ANO4: variants seen among roughly 807,000 people sequenced by gnomAD.
ANO4 encodes anoctamin-4.
Under a neutral mutation model 141.9 loss-of-function variants are expected in ANO4, and 69 were observed. That is an observed-to-expected ratio of 0.49 (90% confidence interval 0.40 to 0.59). ANO4 has a LOEUF of 0.59. ANO4 is among the 20% of genes least tolerant of loss of function. ANO4 has a pLI of 0.00. For synonymous variants in ANO4, 350 were observed against 394.3 expected (o/e 0.89, Z 1.33); for missense variants, 894 against 1,162.2 (o/e 0.77, Z 3.36).
intron 1 of ANO4, among the ~76,000 whole-genome samples, chr12:100,880,715 C>T (rs2039524106): frequency 6.6e-6 from 1 of 152,138 alleles, no homozygotes. Context: ...AAGTTAAGGT[C>T]ACTGCCACTA....
chr12:101,012,994 A>G (rs576872196), intron 8 of ANO4, among the ~76,000 whole-genome samples: 1 of 152,072 alleles, frequency 6.6e-6, no homozygotes, highest in East Asian at 1.9e-4. Context: ...GTACATCTGG[A>G]GAAAAGGGAA....
chr12:101,110,023 G>C (rs1270316438), intron 22 of ANO4, among the ~76,000 whole-genome samples: 1 of 152,048 alleles, frequency 6.6e-6, no homozygotes, highest in Non-Finnish European at 1.5e-5. Context: ...TGTCCTATTG[G>C]CATGTCCCCA....
intron 9 of ANO4, among the ~76,000 whole-genome samples, chr12:101,024,880 A>G (rs1383905182): frequency 2.6e-5 from 4 of 152,240 alleles, no homozygotes; most frequent in Non-Finnish European, 2.9e-5. Context: ...ATGTGTTACT[A>G]TGATTAAAAG....
intron 8 of ANO4, among the ~76,000 whole-genome samples, chr12:100,987,975 T>C (rs951493262): frequency 6.6e-6 from 1 of 152,140 alleles, no homozygotes; most frequent in Non-Finnish European, 1.5e-5. Flanking sequence ...CTCTGCCAAC[T>C]CCCTGTGCAC....
At chr12:101,008,091 T>G (rs1032030746) in intron 8 of ANO4, among the ~76,000 whole-genome samples, 2 of 152,220 alleles carry the variant, frequency 1.3e-5, no homozygotes, top group Non-Finnish European at 2.9e-5. Flanking sequence ...TTTATTTCAA[T>G]GTGGATGTTT....
At chr12:101,002,499 C>T (rs776319164) in intron 8 of ANO4, among the ~76,000 whole-genome samples, 64 of 152,226 alleles carry the variant, frequency 4.2e-4, no homozygotes, top group Non-Finnish European at 7.3e-4. Context: ...CTTCTCCCCC[C>T]AGCCTTTTGG....
At chr12:100,837,265 A>G (rs931792345) in intron 1 of ANO4, among the ~76,000 whole-genome samples, 7 of 138,306 alleles carry the variant, frequency 5.1e-5, no homozygotes, top group Non-Finnish European at 5.1e-5. Context: ...TTAATCCTAC[A>G]ACAACCATAT....
chr12:100,749,442 C>G lies in ANO4; in HGVS notation c.358+9337C>G, dbSNP rs539830903. On this transcript the variant is annotated intron_variant, in intron 3 of 29. Transcript: ENST00000644049. ...GAGAAATACATTGCTGAGCTTTCTT[C>G]AAATTTCCTATTTTCCTAAACTTGC... Among the ~76,000 whole-genome samples, 16 of 152,356 alleles carry G rather than the reference C, an allele frequency of 1.1e-4. No individual in the cohort carries two copies. The South Asian group carries it at 2.9e-3, about 28-fold the overall frequency.
chr12:100,816,075 A>G (rs2035724986), intron 1 of ANO4, among the ~76,000 whole-genome samples: 1 of 152,052 alleles, frequency 6.6e-6, no homozygotes, highest in African/African-American at 2.4e-5. Context: ...AATTTCTTAA[A>G]TTGTGTTCCC....
intron 2 of ANO4, among the ~76,000 whole-genome samples, chr12:100,735,121 G>A (rs375908573): frequency 4.1e-4 from 62 of 152,254 alleles, no homozygotes; most frequent in Admixed American, 7.2e-4. Flanking sequence ...CAATGTTAAT[G>A]CTCACTGATG....
rs11110583 is a variant in ANO4, at chr12:100,919,722, A to G, written c.56-2504A>G. Among the ~76,000 whole-genome samples, 687 of 129,948 alleles carry G rather than the reference A, an allele frequency of 5.3e-3. 2 individuals carry two copies. The highest frequency in any genetic ancestry group is 1.0e-2 in the African/African-American group (348 of 34,930). 85.3% of individuals were successfully genotyped at this position (129,948 alleles called of 152,430 possible). A position where few individuals can be genotyped will look rare whatever the true frequency, so the allele number is the denominator to read the frequency against. ...TGTGTGTGTATGTATGTATGTATGT[A>G]TGTGTGTATGTATGTATCTATCTAT... On this transcript the variant is annotated intron_variant, in intron 2 of 27. Transcript: ENST00000392977.
chr12:100,724,591 A>G (rs1341930036), intron 1 of ANO4, among the ~76,000 whole-genome samples: 8 of 152,228 alleles, frequency 5.3e-5, no homozygotes, highest in African/African-American at 1.9e-4. Context: ...ATCTGTTTGC[A>G]TAGGAAAAGC....
chr12:100,842,686 G>T (rs1039953139), intron 1 of ANO4, among the ~76,000 whole-genome samples: 3 of 152,036 alleles, frequency 2.0e-5, no homozygotes, highest in African/African-American at 7.2e-5. Context: ...TCAGTGTCTG[G>T]TGAGGGCTGT....
At chr12:101,072,129 G>A (rs902960133) in intron 14 of ANO4, among the ~76,000 whole-genome samples, 1 of 152,132 alleles carries the variant, frequency 6.6e-6, no homozygotes, top group Non-Finnish European at 1.5e-5. Flanking sequence ...GATGTTCCTG[G>A]TTGGCAGATG....
chr12:101,080,883 T>TATTATATATA lies in ANO4; in HGVS notation c.1395+1608_1395+1609insATTATATATA, dbSNP rs1491584060. On this transcript the variant is annotated intron_variant, in intron 15 of 27. Coordinates refer to ENST00000392977, the MANE Select transcript of ANO4 (RefSeq NM_001286615.2). ...GGTTCTAGATATATATATATATATATTATATATATATATATATACATACAC... is the reference window on the plus strand; with the variant it reads ...GGTTCTAGATATATATATATATATATATTATATATATATATATATATATATATACATACAC... Among the ~76,000 whole-genome samples, 306 of 74,062 alleles carry TATTATATATA rather than the reference T, an allele frequency of 4.1e-3. 7 individuals carry two copies. Among genetic ancestry groups the TATTATATATA allele is most frequent in the African/African-American group, 0.011 (277 of 25,614 alleles). The allele number at this position is 74,062 out of a possible 152,430, so 48.6% of individuals were successfully genotyped here.
chr12:100,757,286 C>T (rs549788142), intron 3 of ANO4, among the ~76,000 whole-genome samples: 85 of 152,328 alleles, frequency 5.6e-4, no homozygotes, highest in African/African-American at 1.9e-3. Flanking sequence ...TACTTTGTCA[C>T]TTGTCTTCCT....
At chr12:101,083,476 A>G (rs933286459) in intron 15 of ANO4, among the ~76,000 whole-genome samples, 1 of 152,206 alleles carries the variant, frequency 6.6e-6, no homozygotes, top group South Asian at 2.1e-4. Flanking sequence ...TGATGATAGT[A>G]AATCTTGATC....
intron 1 of ANO4, among the ~76,000 whole-genome samples, chr12:100,729,807 C>G (rs1459124823): frequency 6.6e-6 from 1 of 152,158 alleles, no homozygotes; most frequent in East Asian, 1.9e-4. Context: ...GCTCTTTGTA[C>G]TTTTGCTCTT....
At chr12:101,063,778 T>TTTTTTTTTTTTA (rs2048456888) in intron 14 of ANO4, among the ~76,000 whole-genome samples, 3 of 126,428 alleles carry the variant, frequency 2.4e-5, no homozygotes, top group Non-Finnish European at 4.9e-5. Context: ...TTTTTTTTTT[T>TTTTTTTTTTTTA]GCCTTTGAAA....
Sources: allele counts gnomAD v4.1 joint callset (sites outside exome capture counted in the v4.1 genomes callset), GRCh38; gene constraint gnomAD v4.1.1; transcripts MANE v1.5; gene names NCBI Gene and HGNC (gene_info 2026-07-23, HGNC 2026-07-21).